Variants in ASIC2 observed in about 807,000 individuals in gnomAD.
The protein encoded by ASIC2 is acid sensing ion channel subunit 2, also known as acid-sensing ion channel 2.
ASIC2 carries 25 observed loss-of-function variants against 57.3 expected under a neutral mutation model. The observed-to-expected ratio is 0.44, with a 90% confidence interval of 0.32 to 0.61. The LOEUF (loss-of-function observed/expected upper bound fraction) is 0.61, where lower values mean the gene tolerates loss of function less well. ASIC2 is among the 20% of genes least tolerant of loss of function. The probability of loss-of-function intolerance (pLI) is 0.06; values close to 1 mark genes in which losing one functional copy is unlikely to be tolerated. For synonymous variants in ASIC2, 319 were observed against 307.5 expected (o/e 1.04, Z -0.39); for missense variants, 641 against 738.1 (o/e 0.87, Z 1.52).
At chr17:33,841,130 G>A (rs187998970) in intron 1 of ASIC2, among the ~76,000 whole-genome samples, 1 of 152,310 alleles carries the variant, frequency 6.6e-6, no homozygotes, top group East Asian at 1.9e-4. Flanking sequence ...TGGTTTACCT[G>A]AGACTAAGAA....
chr17:33,015,896 C>A lies in ASIC2; in HGVS notation c.1590+75G>T, dbSNP rs572875747. The stretch of plus-strand genomic sequence containing the variant: ...AGTGAGTCACATCTTTCCTGCCCGG[C>A]CCCAGCATCTGGTTTTGTACTGCCG... On this transcript the variant is annotated intron_variant, in intron 9 of 9. Transcript: ENST00000225823. 42 of 1,520,786 alleles carry A rather than the reference C, an allele frequency of 2.8e-5. No individual in the cohort carries two copies. The South Asian group carries it at 4.2e-4, about 15-fold the overall frequency. The allele number at this position is 1,520,786 out of a possible 1,614,324, so 94.2% of individuals were successfully genotyped here.
At chr17:33,986,485 T>C (rs1026469789) in intron 1 of ASIC2, among the ~76,000 whole-genome samples, 56 of 152,300 alleles carry the variant, frequency 3.7e-4, no homozygotes, top group African/African-American at 1.3e-3. Context: ...CCAGCCTTCA[T>C]TCATTTTCCT....
chr17:33,314,766 C>T (rs138144440), intron 1 of ASIC2, among the ~76,000 whole-genome samples: 8 of 152,312 alleles, frequency 5.3e-5, no homozygotes, highest in East Asian at 3.9e-4. Context: ...TGGAAAAGAA[C>T]GATTCTATTT....
At chr17:33,598,464 G>A (rs748041763) in intron 1 of ASIC2, among the ~76,000 whole-genome samples, 1 of 152,168 alleles carries the variant, frequency 6.6e-6, no homozygotes, top group African/African-American at 2.4e-5. Context: ...AGACCCAATA[G>A]GTTCCCAGTG....
intron 5 of ASIC2, 108 bp downstream of exon 5, chr17:33,025,818 C>G (rs1209098550): frequency 9.0e-7 from 1 of 1,109,054 alleles, no homozygotes; most frequent in Non-Finnish European, 1.3e-6. Context: ...TTCTCATCCT[C>G]TCTCCATTCC....
At chr17:34,020,533 C>T (rs763138047) in intron 1 of ASIC2, among the ~76,000 whole-genome samples, 25 of 152,142 alleles carry the variant, frequency 1.6e-4, no homozygotes, top group African/African-American at 2.4e-4. Context: ...CTGAGTCAGA[C>T]CTGTCGAGCA....
intron 1 of ASIC2, among the ~76,000 whole-genome samples, chr17:33,467,942 C>A (rs1325709986): frequency 6.6e-6 from 1 of 152,196 alleles, no homozygotes; most frequent in Non-Finnish European, 1.5e-5. Context: ...CAGAATAAAT[C>A]TCTTCAAATA....
chr17:33,334,149 A>G (rs1907422972), intron 1 of ASIC2, among the ~76,000 whole-genome samples: 1 of 152,240 alleles, frequency 6.6e-6, no homozygotes, highest in Admixed American at 6.5e-5. Flanking sequence ...TGAGTTTGAA[A>G]CCTTCAGGAC....
At chr17:33,133,529 G>A (rs1004122019) in intron 1 of ASIC2, among the ~76,000 whole-genome samples, 2 of 152,150 alleles carry the variant, frequency 1.3e-5, no homozygotes, top group South Asian at 4.1e-4. Flanking sequence ...TTTAGGGATG[G>A]GAAACTTAGA....
intron 1 of ASIC2, among the ~76,000 whole-genome samples, chr17:33,945,728 G>A (rs1014361766): frequency 2.6e-5 from 4 of 152,182 alleles, no homozygotes; most frequent in Non-Finnish European, 5.9e-5. Context: ...TTGGCAACAA[G>A]AAGCTCCGTG....
chr17:33,700,802 C>A (rs1908674640), intron 1 of ASIC2, among the ~76,000 whole-genome samples: 1 of 152,108 alleles, frequency 6.6e-6, no homozygotes, highest in African/African-American at 2.4e-5. Context: ...ATGACCAGAA[C>A]CGGAGAGATG....
chr17:34,050,626 C>G (rs966339829), intron 1 of ASIC2, among the ~76,000 whole-genome samples: 15 of 152,164 alleles, frequency 9.9e-5, no homozygotes, highest in African/African-American at 3.6e-4. Context: ...ATACAAAAGA[C>G]CTTCATTGAA....
At chr17:33,429,266 T>C (rs1250123030) in intron 1 of ASIC2, among the ~76,000 whole-genome samples, 1 of 152,222 alleles carries the variant, frequency 6.6e-6, no homozygotes, top group Non-Finnish European at 1.5e-5. Flanking sequence ...CAAGGAGCTT[T>C]TGGCTTAGTA....
chr17:34,035,844 C>G (rs1401510859), intron 1 of ASIC2, among the ~76,000 whole-genome samples: 3 of 152,106 alleles, frequency 2.0e-5, no homozygotes, highest in South Asian at 2.1e-4. Flanking sequence ...TACCATCTCA[C>G]ACCAGTTAGA....
chr17:33,313,466 T>C (rs571415903), intron 1 of ASIC2, among the ~76,000 whole-genome samples: 9 of 152,330 alleles, frequency 5.9e-5, no homozygotes, highest in African/African-American at 2.2e-4. Context: ...AGGAATTGGT[T>C]GTTCCATCAT....
chr17:33,800,938 T>C lies in ASIC2; in HGVS notation c.555+355040A>G, dbSNP rs73986723. Among the ~76,000 whole-genome samples, 116 of 152,320 alleles carry C rather than the reference T, an allele frequency of 7.6e-4. 2 individuals carry two copies. The highest frequency in any genetic ancestry group is 2.7e-3 in the African/African-American group (113 of 41,578). On this transcript the variant is annotated intron_variant, in intron 1 of 9. Transcript: ENST00000359872. ...ATCTAGTCTGACTCTAGAATCAGTC[T>C]TTTAACTACCATGCTGTGCTACCTC... is the stretch of plus-strand genomic sequence containing the variant.
intron 3 of ASIC2, among the ~76,000 whole-genome samples, chr17:33,080,422 T>C (rs180833005): frequency 6.3e-4 from 96 of 152,008 alleles, no homozygotes; most frequent in African/African-American, 2.3e-3. Context: ...AAAAGGGAAA[T>C]GAAGAATCAG....
At chr17:33,020,289 G>T (rs1162748857) in intron 7 of ASIC2, among the ~76,000 whole-genome samples, 1 of 152,108 alleles carries the variant, frequency 6.6e-6, no homozygotes, top group African/African-American at 2.4e-5. Flanking sequence ...CTCATAAAGT[G>T]GGTTTTATTA....
intron 1 of ASIC2, among the ~76,000 whole-genome samples, chr17:33,149,066 C>T (rs1597604044): frequency 4.0e-5 from 6 of 151,856 alleles, no homozygotes; most frequent in Admixed American, 6.5e-5. Flanking sequence ...TGCACTCCAG[C>T]GTGGGTGACA....
Sources: gnomAD v4.1 joint callset for allele counts (sites outside exome capture counted in the v4.1 genomes callset) on GRCh38, gnomAD v4.1.1 for gene constraint, MANE v1.5 for transcripts, NCBI Gene and HGNC (gene_info 2026-07-23, HGNC 2026-07-21) for gene names.